The following BLTP1 variants were observed in gnomAD, a reference collection of about 807,000 sequenced individuals.
The protein encoded by BLTP1 is bridge-like lipid transfer protein family member 1.
At chr4:122,174,601 G>C in the BLTP1 span, 1 of 1,608,898 alleles carries the variant, frequency 6.2e-7, no homozygotes, top group Admixed American at 1.7e-5. Flanking sequence ...GTTCTTTCTG[G>C]AAAAGTCATG....
chr4:122,187,970 A>T, the BLTP1 span: 4 of 1,596,922 alleles, frequency 2.5e-6, no homozygotes, highest in Non-Finnish European at 3.4e-6. Flanking sequence ...CTTAACTTAT[A>T]CTACAAAACC....
the BLTP1 span, chr4:122,300,917 G>GC: frequency 2.1e-6 from 2 of 958,558 alleles, no homozygotes; most frequent in Non-Finnish European, 2.5e-6. Context: ...CATTGCCCAG[G>GC]CAAAAAAAAA....
At chr4:122,191,270 A>AT in the BLTP1 span, among the ~76,000 whole-genome samples, 244 of 147,258 alleles carry the variant, frequency 1.7e-3, no homozygotes, top group African/African-American at 5.0e-3. Context: ...CACTAATTGC[A>AT]TTTTTTTTTT....
chr4:122,244,251 A>G, the BLTP1 span, among the ~76,000 whole-genome samples: 2 of 152,106 alleles, frequency 1.3e-5, no homozygotes, highest in South Asian at 2.1e-4. Flanking sequence ...TCTCAGCCTA[A>G]ATAATTGGAG....
At chr4:122,198,904 ATACTC>A in the BLTP1 span, among the ~76,000 whole-genome samples, 1 of 152,174 alleles carries the variant, frequency 6.6e-6, no homozygotes, top group Non-Finnish European at 1.5e-5. Flanking sequence ...AGGAAATACA[ATACTC>A]TAAACTATTC....
the BLTP1 span, chr4:122,190,056 T>C: frequency 1.2e-6 from 2 of 1,613,550 alleles, no homozygotes; most frequent in South Asian, 2.2e-5. Flanking sequence ...GATGTTGACA[T>C]CTACTACTAC....
chr4:122,207,514 C>CTTTTTTTTTTTTTT, the BLTP1 span: 114 of 1,286,824 alleles, frequency 8.9e-5, no homozygotes, highest in Middle Eastern at 5.1e-4. Context: ...ACTTTTTCTT[C>CTTTTTTTTTTTTTT]TTTTTTTTTT....
the BLTP1 span, among the ~76,000 whole-genome samples, chr4:122,360,712 C>G: frequency 6.6e-6 from 1 of 152,242 alleles, no homozygotes; most frequent in East Asian, 1.9e-4. Context: ...CACTTTGGTA[C>G]TAATAGTGCA....
chr4:122,210,912 A>C, the BLTP1 span: 3 of 1,612,822 alleles, frequency 1.9e-6, no homozygotes, highest in Non-Finnish European at 2.5e-6. Flanking sequence ...AGACAATGCT[A>C]TCTGTATTAA....
the BLTP1 span, chr4:122,262,752 C>T: frequency 1.3e-6 from 2 of 1,558,338 alleles, no homozygotes; most frequent in African/African-American, 1.4e-5. Flanking sequence ...CCCTAAGTTA[C>T]ACTTTCTGTA....
the BLTP1 span, chr4:122,251,678 C>G: frequency 5.8e-6 from 5 of 864,820 alleles, no homozygotes; most frequent in South Asian, 2.1e-4. Flanking sequence ...TCAGATCCTA[C>G]TCTTCTTGCT....
the BLTP1 span, among the ~76,000 whole-genome samples, chr4:122,353,528 G>C: frequency 6.6e-6 from 1 of 152,118 alleles, no homozygotes; most frequent in Non-Finnish European, 1.5e-5. This position sits in a 1 kb window ranked among gnomAD's most constrained non-coding sequence, Gnocchi z 4.3. Context: ...TATCTCTACA[G>C]TGATAAACCC....
At chr4:122,355,934 T>C in the BLTP1 span, 3 of 1,612,534 alleles carry the variant, frequency 1.9e-6, no homozygotes, top group South Asian at 1.1e-5. Flanking sequence ...TTACCAAGGA[T>C]GCAGCTTGAC....
the BLTP1 span, chr4:122,201,272 G>A: frequency 7.4e-6 from 5 of 676,366 alleles, no homozygotes; most frequent in East Asian, 1.2e-4. Flanking sequence ...ATGTTAAAGA[G>A]AAAATTTAAA....
At chr4:122,333,302 G>C in the BLTP1 span, among the ~76,000 whole-genome samples, 14,956 of 83,424 alleles carry the variant, frequency 0.18, 1,800 homozygotes, top group Non-Finnish European at 0.25. Flanking sequence ...GTTGTTTCCT[G>C]ACTTTTTAAT....
chr4:122,154,054 C>G, the BLTP1 span: 1 of 982,438 alleles, frequency 1.0e-6, no homozygotes. Flanking sequence ...TGCAGAAAGG[C>G]TATCTGAAGA....
At chr4:122,345,916 C>T in the BLTP1 span, 2 of 546,472 alleles carry the variant, frequency 3.7e-6, no homozygotes, top group African/African-American at 4.1e-5. Flanking sequence ...AAGAATGCCT[C>T]AAACTTTTAG....
At chr4:122,281,016 G>A in the BLTP1 span, among the ~76,000 whole-genome samples, 3 of 152,142 alleles carry the variant, frequency 2.0e-5, no homozygotes, top group African/African-American at 7.2e-5. Context: ...TCAAATCCTA[G>A]TTTCAGCACT....
the BLTP1 span, among the ~76,000 whole-genome samples, chr4:122,300,074 C>T: frequency 3.4e-4 from 52 of 152,180 alleles, no homozygotes; most frequent in East Asian, 6.9e-3. Context: ...GGTGCCATCT[C>T]GGCTCACTGC....
Sources: gnomAD v4.1 joint callset for allele counts (sites outside exome capture counted in the v4.1 genomes callset) on GRCh38, gnomAD v4.1.1 for gene constraint, Gnocchi (gnomAD v3.1) non-coding constraint, MANE v1.5 for transcripts, NCBI Gene and HGNC (gene_info 2026-07-23, HGNC 2026-07-21) for gene names.